The following AGAP1 variants were observed in gnomAD, a reference collection of about 807,000 sequenced individuals.
AGAP1 encodes ArfGAP with GTPase domain, ankyrin repeat and PH domain 1, also known as arf-GAP with GTPase, ANK repeat and PH domain-containing protein 1.
A neutral mutation model predicts 105.3 loss-of-function variants in AGAP1; 29 were observed. That is an observed-to-expected ratio of 0.28 (90% CI 0.21 to 0.38). The LOEUF (loss-of-function observed/expected upper bound fraction) is 0.38. AGAP1 is among the 10% of genes least tolerant of loss of function. The pLI, the probability that AGAP1 is intolerant of heterozygous loss-of-function variation, is 1.00. For missense variants in AGAP1, 998 were observed against 1,165.1 expected, an observed-to-expected ratio of 0.86 and a Z score of 2.09; for synonymous variants, 509 against 485.9, an observed-to-expected ratio of 1.05 and a Z score of -0.63.
chr2:235,618,567 G>A (rs1946378221), intron 1 of AGAP1, among the ~76,000 whole-genome samples: 1 of 152,118 alleles, frequency 6.6e-6, no homozygotes, highest in African/African-American at 2.4e-5. Context: ...ATTTATAGAT[G>A]AAAAGGCTTT....
chr2:236,032,998 C>T (rs2057271617), intron 13 of AGAP1, among the ~76,000 whole-genome samples: 2 of 152,146 alleles, frequency 1.3e-5, no homozygotes, highest in African/African-American at 2.4e-5. Context: ...GTAATCCCAG[C>T]ATTTGGGGAG....
At chr2:235,831,736 A>G (rs867676940) in intron 9 of AGAP1, among the ~76,000 whole-genome samples, 2 of 152,152 alleles carry the variant, frequency 1.3e-5, no homozygotes, top group African/African-American at 4.8e-5. Flanking sequence ...GGTGCTTCCA[A>G]CTTTTTGCAA....
intron 16 of AGAP1, among the ~76,000 whole-genome samples, chr2:236,086,281 T>G (rs2058926922): frequency 1.3e-5 from 2 of 152,244 alleles, no homozygotes; most frequent in Non-Finnish European, 2.9e-5. Flanking sequence ...TACTATTGAC[T>G]TGAAATTCTC....
At chr2:235,666,006 C>T (rs529139098) in intron 1 of AGAP1, among the ~76,000 whole-genome samples, 6 of 152,258 alleles carry the variant, frequency 3.9e-5, no homozygotes, top group South Asian at 2.1e-4. Flanking sequence ...AGTCGTGAGA[C>T]GGTGGCCAAA....
intron 9 of AGAP1, among the ~76,000 whole-genome samples, chr2:235,811,730 G>C (rs973054519): frequency 6.6e-6 from 1 of 152,156 alleles, no homozygotes; most frequent in South Asian, 2.1e-4. Flanking sequence ...CAGAGGGGCC[G>C]CCCCCGGCCC....
chr2:236,030,266 C>G (rs1013638235), intron 13 of AGAP1, among the ~76,000 whole-genome samples: 3 of 152,218 alleles, frequency 2.0e-5, no homozygotes, highest in African/African-American at 7.2e-5. Flanking sequence ...CCACCAGCCT[C>G]AGCCTCCCAA....
At chr2:235,928,824 G>C (rs937947380) in intron 11 of AGAP1, among the ~76,000 whole-genome samples, 5 of 152,222 alleles carry the variant, frequency 3.3e-5, no homozygotes, top group African/African-American at 7.2e-5. Context: ...AGGAGCATGA[G>C]TGCTCCCCTT....
intron 1 of AGAP1, among the ~76,000 whole-genome samples, chr2:235,647,443 A>G (rs1483348716): frequency 6.6e-6 from 1 of 152,090 alleles, no homozygotes. Flanking sequence ...GCCGGAGTGC[A>G]GTGGTGCAGT....
rs1258369767 is a variant in AGAP1 at position 235,919,743 on chromosome 2, T to C, written c.1324+10837T>C. ...ACACACACCTGTTGCATTTATCATA[T>C]AAAGGAGAAAGAATATTGTAAAGAT... On this transcript the variant is annotated intron_variant, in intron 11 of 17. Transcript: ENST00000304032. The surrounding 1 kb of genome is among the most constrained non-coding windows in gnomAD (Gnocchi z 4.1). 1.3e-5 allele frequency among the ~76,000 whole-genome samples: 2 copies of C among 152,030 alleles called. No homozygotes were observed. Among genetic ancestry groups the C allele is most frequent in the African/African-American group, 2.4e-5 (1 of 41,388 alleles).
intron 5 of AGAP1, among the ~76,000 whole-genome samples, chr2:235,748,952 T>TA (rs1267431417): frequency 6.6e-6 from 1 of 152,244 alleles, no homozygotes; most frequent in Non-Finnish European, 1.5e-5. Flanking sequence ...CTCACGCCTG[T>TA]AATCCCAACA....
chr2:235,687,722 G>T (rs182234930), intron 1 of AGAP1, among the ~76,000 whole-genome samples: 2 of 152,070 alleles, frequency 1.3e-5, no homozygotes, highest in Admixed American at 6.6e-5. Context: ...TATCTTCTTC[G>T]CAGGATGTGG....
At position 235,634,650 on chromosome 2, in the gene AGAP1, TTCC is replaced by T. The variant is rs1478555151; in HGVS notation, c.164-74525_164-74523del. Among the ~76,000 whole-genome samples, 14 of 152,342 alleles carry T rather than the reference TTCC, an allele frequency of 9.2e-5. No homozygotes were observed. In the East Asian group the frequency reaches 2.1e-3, roughly 23 times the overall value. ...GGAATCTGGGGACAGCCGTAAGTTC[TTCC>T]TCCACATTCCATTTTAGAGAGGCTT... On this transcript the variant is annotated intron_variant, in intron 1 of 17. Coordinates refer to ENST00000304032, the MANE Select transcript of AGAP1 (RefSeq NM_001037131.3).
At chr2:235,645,886 G>C (rs749548640) in intron 1 of AGAP1, among the ~76,000 whole-genome samples, 8 of 152,130 alleles carry the variant, frequency 5.3e-5, no homozygotes, top group Non-Finnish European at 5.9e-5. Context: ...CTTGAGATAA[G>C]GACTTCAGAA....
intron 9 of AGAP1, among the ~76,000 whole-genome samples, chr2:235,810,872 G>A (rs1575527229): frequency 7.1e-6 from 1 of 141,308 alleles, no homozygotes; most frequent in Non-Finnish European, 1.5e-5. Flanking sequence ...AGGTCTATTC[G>A]AGTAAAAATT....
chr2:236,052,620 CAG>C (rs1170980335), intron 16 of AGAP1, among the ~76,000 whole-genome samples: 1 of 152,046 alleles, frequency 6.6e-6, no homozygotes, highest in Non-Finnish European at 1.5e-5. Flanking sequence ...CATTCCTAAA[CAG>C]GGGAATCATT....
chr2:236,039,949 T>TA (rs2057496498), intron 14 of AGAP1, among the ~76,000 whole-genome samples: 2 of 152,002 alleles, frequency 1.3e-5, no homozygotes, highest in Admixed American at 6.5e-5. Flanking sequence ...AAATCCTTTT[T>TA]AAAGAAGACC....
At chr2:236,070,439 C>G (rs1047229282) in intron 16 of AGAP1, among the ~76,000 whole-genome samples, 1 of 152,206 alleles carries the variant, frequency 6.6e-6, no homozygotes, top group East Asian at 1.9e-4. Context: ...ACTTCCACCC[C>G]TAGGCGTATC....
At chr2:235,774,803 AAG>A (rs1355804756) in intron 6 of AGAP1, among the ~76,000 whole-genome samples, 1 of 152,122 alleles carries the variant, frequency 6.6e-6, no homozygotes, top group Admixed American at 6.5e-5. Flanking sequence ...TATCTTGTGA[AAG>A]AGAATTCAGA....
chr2:235,767,332 C>T (rs1955044375), intron 6 of AGAP1, among the ~76,000 whole-genome samples: 1 of 152,238 alleles, frequency 6.6e-6, no homozygotes, highest in Non-Finnish European at 1.5e-5. Flanking sequence ...ACGTTAGCGT[C>T]TGCAGCCTTG....
Sources: gnomAD v4.1 joint callset for allele counts (sites outside exome capture counted in the v4.1 genomes callset) on GRCh38, gnomAD v4.1.1 for gene constraint, Gnocchi (gnomAD v3.1) non-coding constraint, MANE v1.5 for transcripts, NCBI Gene and HGNC (gene_info 2026-07-23, HGNC 2026-07-21) for gene names.